UNC93A: variants seen among roughly 807,000 people sequenced by gnomAD.
UNC93A encodes N-acetylglucosamine transporter UNC93A.
Under a neutral mutation model 47.5 loss-of-function variants are expected in UNC93A, and 43 were observed. That is an observed-to-expected ratio of 0.91 (90% CI 0.71 to 1.17). The LOEUF is 1.17. UNC93A is among the 50% of genes most tolerant of loss of function. The pLI, the probability that UNC93A is intolerant of heterozygous loss-of-function variation, is 0.00. For synonymous variants in UNC93A, 280 were observed against 258.0 expected (o/e 1.09, Z -0.82); for missense variants, 605 against 577.6 (o/e 1.05, Z -0.49).
chr6:167,273,986 A>G (rs1168472501), intron 1 of UNC93A, among the ~76,000 whole-genome samples: 2 of 152,176 alleles, frequency 1.3e-5, no homozygotes, highest in Non-Finnish European at 2.9e-5. Flanking sequence ...TATTTCCTGG[A>G]TGAGGAAAAA....
chr6:167,271,935 T>C (rs1783457517), intron 1 of UNC93A, among the ~76,000 whole-genome samples: 1 of 152,186 alleles, frequency 6.6e-6, no homozygotes, highest in African/African-American at 2.4e-5. Flanking sequence ...GGCTAGTTCC[T>C]AGTAGTCAAG....
rs1736588 is a variant in UNC93A at position 167,309,698 on chromosome 6, C to T, written c.1108+1788C>T. On this transcript the variant is annotated intron_variant, in intron 7 of 7. Coordinates refer to ENST00000230256, the MANE Select transcript of UNC93A (RefSeq NM_018974.4). ...AAAGAGCACATGTGACCTCAGATCG[C>T]GGACAGAACACTCCAGCCACGTCCT... Among the ~76,000 whole-genome samples the T allele has an allele frequency of 2.6e-3, 401 of 152,100 alleles. 1 individual carries two copies. The highest frequency in any genetic ancestry group is 9.5e-3 in the African/African-American group (392 of 41,472).
chr6:167,295,298 G>T (rs1173743269), intron 2 of UNC93A, among the ~76,000 whole-genome samples: 1 of 152,224 alleles, frequency 6.6e-6, no homozygotes, highest in Admixed American at 6.5e-5. Flanking sequence ...CCTTCTTCCC[G>T]GTAGCTGCAG....
At chr6:167,301,368 G>GGA in intron 4 of UNC93A, among the ~76,000 whole-genome samples, 1 of 152,344 alleles carries the variant, frequency 6.6e-6, no homozygotes, top group East Asian at 1.9e-4. Context: ...GATTGTAACA[G>GGA]TCCTGCAGGA....
chr6:167,287,196 C>G (rs889504094), upstream of UNC93A, among the ~76,000 whole-genome samples: 10 of 152,052 alleles, frequency 6.6e-5, no homozygotes, highest in Admixed American at 5.2e-4. Flanking sequence ...CTCCACTGCT[C>G]GCTGCACTCA....
At chr6:167,278,585 G>A (rs1783581361) in intron 1 of UNC93A, among the ~76,000 whole-genome samples, 1 of 152,216 alleles carries the variant, frequency 6.6e-6, no homozygotes, top group African/African-American at 2.4e-5. Context: ...TGACAAGCAA[G>A]AACACCAGTA....
chr6:167,314,370 C>A (rs1026282270), intron 7 of UNC93A, among the ~76,000 whole-genome samples: 6 of 152,140 alleles, frequency 3.9e-5, no homozygotes, highest in African/African-American at 1.4e-4. Flanking sequence ...GGCCCTGCTG[C>A]CTGCAGTTAA....
intron 1 of UNC93A, among the ~76,000 whole-genome samples, chr6:167,291,961 A>G (rs893511197): frequency 6.6e-6 from 1 of 152,316 alleles, no homozygotes; most frequent in South Asian, 2.1e-4. Flanking sequence ...TGAATTTATC[A>G]AATGTCACTA....
intron 4 of UNC93A, among the ~76,000 whole-genome samples, chr6:167,302,434 C>A (rs1278660540): frequency 6.6e-6 from 1 of 152,054 alleles, no homozygotes; most frequent in Admixed American, 6.5e-5. Flanking sequence ...AGGGAAGGAT[C>A]GCCACCACTC....
chr6:167,307,684 T>G, intron 6 of UNC93A, 95 bp from the exon 7 acceptor site: 1 of 1,493,706 alleles, frequency 6.7e-7, no homozygotes, highest in Non-Finnish European at 9.1e-7. Context: ...CAGAGGACGG[T>G]TGAGATGGTT....
chr6:167,272,594 C>T (rs192021931), intron 1 of UNC93A, among the ~76,000 whole-genome samples: 125 of 152,260 alleles, frequency 8.2e-4, no homozygotes, highest in African/African-American at 2.9e-3. Flanking sequence ...CAATCAAATA[C>T]ATTTAAGAAG....
At chr6:167,308,000 C>T (rs1778450788) in intron 7 of UNC93A, 90 bp downstream of exon 7, 1 of 1,541,226 alleles carries the variant, frequency 6.5e-7, no homozygotes. Flanking sequence ...TGCCAATGGG[C>T]CAGAGCCAAG....
Position 167,296,075 on chromosome 6 carries a change from G to A in UNC93A, c.313G>A (p.Ala105Thr), listed in dbSNP as rs200753568. ...PTSILLGLGA[A>T]PLWSAQCTYL... ...CTCCATACTGCTGGGACTCGGGGCCGCCCCGCTGTGGTCTGCACAGTGCAC... is the reference window on the plus strand; with the variant it reads ...CTCCATACTGCTGGGACTCGGGGCCACCCCGCTGTGGTCTGCACAGTGCAC... Residue 105 changes from alanine to threonine, a missense_variant, in exon 3 of 8, where the codon GCC becomes ACC. Transcript: ENST00000230256. 75 of 1,614,196 alleles carry A rather than the reference G, an allele frequency of 4.6e-5. No individual in the cohort carries two copies. In the East Asian group the frequency reaches 1.0e-3, roughly 22 times the overall value.
At chr6:167,293,134 T>G (rs571820687) in intron 1 of UNC93A, among the ~76,000 whole-genome samples, 16 of 152,210 alleles carry the variant, frequency 1.1e-4, no homozygotes, top group Admixed American at 2.0e-4. Context: ...AGCCCCAGTT[T>G]GGGGGTGCCT....
Position 167,296,123 on chromosome 6 carries a change from A to C in UNC93A, c.361A>C (p.Thr121Pro). ...CACATACCTCACGATCACGGGAAAC[A>C]CACATGCAGAGAAGGCGGGAAAGCG... ...QCTYLTITGN[T>P]HAEKAGKRGK... Residue 121 changes from threonine (T) to proline (P), a missense_variant, in exon 3 of 8, where the codon ACA becomes CCA. Coordinates refer to ENST00000230256, the MANE Select transcript of UNC93A (RefSeq NM_018974.4). The C allele has an allele frequency of 6.2e-7, 1 of 1,614,212 alleles. No homozygotes were observed. Among genetic ancestry groups the C allele is most frequent in the Non-Finnish European group, 8.5e-7 (1 of 1,180,032 alleles).
chr6:167,295,272 G>A (rs1363844668), intron 2 of UNC93A, among the ~76,000 whole-genome samples: 1 of 152,240 alleles, frequency 6.6e-6, no homozygotes, highest in Non-Finnish European at 1.5e-5. Context: ...ACATGCTGCT[G>A]ATGATGGCTG....
chr6:167,313,333 A>G (rs894434776), intron 7 of UNC93A, among the ~76,000 whole-genome samples: 1 of 150,076 alleles, frequency 6.7e-6, no homozygotes, highest in Non-Finnish European at 1.5e-5. Flanking sequence ...CTAGGTCCAG[A>G]TTTTGGAACC....
intron 4 of UNC93A, among the ~76,000 whole-genome samples, chr6:167,300,545 G>A (rs756313527): frequency 1.3e-5 from 2 of 152,174 alleles, no homozygotes; most frequent in East Asian, 1.9e-4. Flanking sequence ...GAGGGTGCTC[G>A]TGTGCAAGGC....
intron 1 of UNC93A, among the ~76,000 whole-genome samples, chr6:167,273,111 C>T (rs1210440377): frequency 5.9e-5 from 9 of 152,188 alleles, no homozygotes; most frequent in East Asian, 1.9e-4. Context: ...CTCTTACTGC[C>T]GCCTTCTAAC....
Sources: gnomAD v4.1 joint callset for allele counts (sites outside exome capture counted in the v4.1 genomes callset) on GRCh38, gnomAD v4.1.1 for gene constraint, MANE v1.5 for transcripts, NCBI Gene and HGNC (gene_info 2026-07-23, HGNC 2026-07-21) for gene names.